Variants in FBXL13 observed in about 807,000 individuals in gnomAD.
FBXL13 encodes F-box and leucine rich repeat protein 13.
Under a neutral mutation model 83.6 loss-of-function variants are expected in FBXL13, and 67 were observed. That is an observed-to-expected ratio of 0.80 (90% CI 0.66 to 0.98). The LOEUF is 0.98. Among genes scored for constraint, FBXL13 ranks in the 50% least tolerant of loss-of-function variants. FBXL13 has a pLI of 0.00. For synonymous variants in FBXL13, 272 were observed against 299.5 expected (o/e 0.91, Z 0.95); for missense variants, 822 against 866.5 (o/e 0.95, Z 0.64).
exon 14 of FBXL13, chr7:102,883,382 C>G: frequency 6.2e-7 from 1 of 1,613,698 alleles, no homozygotes; most frequent in Non-Finnish European, 8.5e-7. Context: ...CTGTTATTCC[C>G]TTGCAGTCAG....
rs751663118 is a variant in FBXL13 at position 103,025,163 on chromosome 7, T to C, written c.395A>G (p.Glu132Gly). The change falls in exon 6 of 20, where the codon GAA becomes GGA. Residue 132 changes from glutamate (E) to glycine (G), a missense_variant. Physicochemically the swap from Glu to Gly is moderately conservative, Grantham distance 98 (BLOSUM62 -2). Transcript: ENST00000313221. The stretch of plus-strand genomic sequence containing the variant: ...ACTTCGTTCAGGAAAATTGGATTCT[T>C]CTGCAGCAGCTCTTTTGAGTATTAA... 3.7e-6 allele frequency: 6 copies of C among 1,610,878 alleles called. No individual in the cohort carries two copies. In the African/African-American group the frequency reaches 8.0e-5, roughly 22 times the overall value.
In FBXL13 at chr7:102,977,745, G is replaced by A. The variant is rs371154239; in HGVS notation, c.496-9628C>T. The stretch of plus-strand genomic sequence containing the variant: ...TGGATTAAGAAAATGTGGCACATAT[G>A]CACCATGGAATACTATGCAGCCATA... On this transcript the variant is annotated intron_variant, in intron 6 of 19. Coordinates refer to ENST00000313221, the Ensembl canonical transcript of FBXL13. Among the ~76,000 whole-genome samples, 823 of 152,250 alleles carry A rather than the reference G, an allele frequency of 5.4e-3. 8 individuals carry two copies. The highest frequency in any genetic ancestry group is 0.018 in the African/African-American group (764 of 41,532).
intron 11 of FBXL13, among the ~76,000 whole-genome samples, chr7:102,893,918 AAGAG>A (rs907582158): frequency 7.4e-5 from 11 of 149,406 alleles, no homozygotes; most frequent in South Asian, 4.3e-4. Context: ...AGGGGAAAGA[AAGAG>A]AGAGAGAGAC....
chr7:102,883,334 C>A (rs925169486), exon 14 of FBXL13: 1 of 1,612,680 alleles, frequency 6.2e-7, no homozygotes, highest in Non-Finnish European at 8.5e-7. Flanking sequence ...TCAACACAGT[C>A]AGTTGCTTCA....
At chr7:102,883,671 T>C (rs1810416329) in exon 13 of FBXL13, 1 of 1,602,454 alleles carries the variant, frequency 6.2e-7, no homozygotes, top group Admixed American at 1.7e-5. Flanking sequence ...TACGAGAGCA[T>C]TTTTCAACTA....
At chr7:102,990,237 C>A (rs1329814064) in intron 6 of FBXL13, among the ~76,000 whole-genome samples, 1 of 152,038 alleles carries the variant, frequency 6.6e-6, no homozygotes, top group Non-Finnish European at 1.5e-5. Context: ...ACAGTCAGAC[C>A]AGAGCCAACA....
exon 19 of FBXL13, chr7:102,822,112 A>G: frequency 6.2e-7 from 1 of 1,614,218 alleles, no homozygotes; most frequent in Non-Finnish European, 8.5e-7. Flanking sequence ...GTCCTCAAGG[A>G]TTTGGTCAGT....
chr7:102,901,388 G>T (rs759323265), intron 11 of FBXL13, among the ~76,000 whole-genome samples: 2 of 152,080 alleles, frequency 1.3e-5, no homozygotes, highest in Non-Finnish European at 2.9e-5. Flanking sequence ...ATCCCCTTAA[G>T]CATTTATACT....
chr7:102,906,175 A>G (rs1278909809), intron 11 of FBXL13, among the ~76,000 whole-genome samples: 1 of 152,194 alleles, frequency 6.6e-6, no homozygotes, highest in African/African-American at 2.4e-5. Flanking sequence ...CCATGATTCA[A>G]TTACCTCCCA....
intron 17 of FBXL13, among the ~76,000 whole-genome samples, 197 bp downstream of exon 18, chr7:102,854,577 CATT>C (rs1335470325): frequency 1.3e-5 from 2 of 152,020 alleles, no homozygotes; most frequent in Non-Finnish European, 2.9e-5. Flanking sequence ...ATAACAATAT[CATT>C]AATTTTGTTG....
chr7:102,963,977 G>A (rs1014803646), intron 7 of FBXL13, among the ~76,000 whole-genome samples: 1 of 152,134 alleles, frequency 6.6e-6, no homozygotes, highest in Non-Finnish European at 1.5e-5. Context: ...AGAAATAGAT[G>A]AGAAAATGAT....
chr7:102,979,452 C>G (rs1416915383), intron 6 of FBXL13, among the ~76,000 whole-genome samples: 1 of 152,104 alleles, frequency 6.6e-6, no homozygotes, highest in East Asian at 1.9e-4. Flanking sequence ...TTGATTTAAT[C>G]AAATCTGAGA....
intron 18 of FBXL13, among the ~76,000 whole-genome samples, chr7:102,826,224 C>T (rs541392249): frequency 1.9e-4 from 29 of 152,206 alleles, no homozygotes; most frequent in African/African-American, 7.0e-4. Flanking sequence ...CAAGAAAAAA[C>T]CCGCCTTGAA....
intron 11 of FBXL13, among the ~76,000 whole-genome samples, chr7:102,907,156 A>G (rs1200748477): frequency 1.3e-5 from 2 of 152,012 alleles, no homozygotes; most frequent in Non-Finnish European, 2.9e-5. Flanking sequence ...TATTTTTAGT[A>G]AAGACAGGGT....
At chr7:103,070,173 C>A (rs1798807731) in intron 1 of FBXL13, among the ~76,000 whole-genome samples, 1 of 151,866 alleles carries the variant, frequency 6.6e-6, no homozygotes, top group South Asian at 2.1e-4. Context: ...AGAAGCAGAC[C>A]CACAAATGAT....
intron 11 of FBXL13, among the ~76,000 whole-genome samples, chr7:102,900,114 T>C (rs538740952): frequency 3.3e-4 from 50 of 152,318 alleles, no homozygotes; most frequent in Non-Finnish European, 4.9e-4. Context: ...CATATGTAAT[T>C]GATTTTCACT....
chr7:103,059,165 TAGGTGGG>T lies in FBXL13; in HGVS notation c.-104-3425_-104-3419del, dbSNP rs576308691. Among the ~76,000 whole-genome samples, 15 of 151,928 alleles carry T rather than the reference TAGGTGGG, an allele frequency of 9.9e-5. No homozygotes were observed. In the East Asian group the frequency reaches 2.3e-3, roughly 23 times the overall value. ...TGTGCCTGTAGCCCTAGCTACTTGC[TAGGTGGG>T]AGGTGGGAGGTGGGAGGATTGCTTA... On this transcript the variant is annotated intron_variant, in intron 1 of 19. Coordinates refer to ENST00000313221, the Ensembl canonical transcript of FBXL13.
chr7:102,953,807 G>A (rs1292550895), intron 8 of FBXL13, among the ~76,000 whole-genome samples: 1 of 152,126 alleles, frequency 6.6e-6, no homozygotes, highest in Non-Finnish European at 1.5e-5. Flanking sequence ...CTGAAACCCT[G>A]AATGTTGCAA....
Position 103,063,232 on chromosome 7 carries a change from A to G in FBXL13, c.-104-7485T>C, listed in dbSNP as rs190474673. On this transcript the variant is annotated intron_variant, in intron 1 of 19. Coordinates refer to ENST00000313221, the Ensembl canonical transcript of FBXL13. ...CATCCATAGATTCAATCAACCACAG[A>G]TCAAAAATATTTGAAAAAAAGTTTT... Among the ~76,000 whole-genome samples the G allele has an allele frequency of 3.9e-5, 6 of 152,324 alleles. No individual in the cohort carries two copies. In the East Asian group the frequency reaches 1.2e-3, roughly 29 times the overall value.
Sources: gnomAD v4.1 joint callset for allele counts (sites outside exome capture counted in the v4.1 genomes callset) on GRCh38, gnomAD v4.1.1 for gene constraint, MANE v1.5 for transcripts, NCBI Gene and HGNC (gene_info 2026-07-23, HGNC 2026-07-21) for gene names.